BRI3: variants seen among roughly 807,000 people sequenced by gnomAD.
The protein encoded by BRI3 is brain protein I3.
In BRI3, 6 loss-of-function variants were observed where a neutral mutation model predicts 12.8. That is an observed-to-expected ratio of 0.47 (90% CI 0.26 to 0.93). The LOEUF is 0.93. Among genes scored for constraint, BRI3 ranks in the 40% least tolerant of loss-of-function variants. The pLI is 0.15. For missense variants in BRI3, 134 were observed against 171.1 expected (o/e 0.78, Z 1.21); for synonymous variants, 91 against 76.1 (o/e 1.20, Z -1.02).
chr7:98,292,884 C>A, downstream of BRI3: 1 of 1,436,580 alleles, frequency 7.0e-7, no homozygotes. Flanking sequence ...GAGGAGATTT[C>A]GTCGAGTGCT....
the BRI3 span, among the ~76,000 whole-genome samples, chr7:98,318,763 T>C: frequency 4.0e-5 from 6 of 150,958 alleles, no homozygotes; most frequent in African/African-American, 1.5e-4. Context: ...GCTAAAATGG[T>C]GAAACCCCGT....
the BRI3 span, among the ~76,000 whole-genome samples, chr7:98,321,164 G>A: frequency 2.0e-4 from 31 of 152,048 alleles, no homozygotes; most frequent in East Asian, 5.4e-3. Context: ...TGGCCCACGT[G>A]GCCCTTTCTA....
chr7:98,317,754 A>G, the BRI3 span, among the ~76,000 whole-genome samples: 1 of 118,494 alleles, frequency 8.4e-6, no homozygotes, highest in African/African-American at 3.4e-5. Flanking sequence ...GACGCTCACC[A>G]CACAGTTCAC....
chr7:98,300,496 T>C (rs542740447), intron 1 of BRI3, among the ~76,000 whole-genome samples: 2 of 152,320 alleles, frequency 1.3e-5, no homozygotes, highest in East Asian at 3.9e-4. Context: ...GACCGCGCCA[T>C]GTCTTATCAG....
downstream of BRI3, chr7:98,292,725 T>G (rs1178440141): frequency 2.5e-5 from 39 of 1,551,486 alleles, no homozygotes; most frequent in Non-Finnish European, 3.4e-5. Flanking sequence ...CCGAGCAGTT[T>G]GAGTGTACTG....
At chr7:98,305,488 C>T (rs920971802), upstream of BRI3, among the ~76,000 whole-genome samples, 1 of 152,096 alleles carries the variant, frequency 6.6e-6, no homozygotes, top group African/African-American at 2.4e-5. Flanking sequence ...TTCTACCTGG[C>T]TAGCTGGATG....
At chr7:98,322,845 C>A in the BRI3 span, 1 of 152,424 alleles carries the variant, frequency 6.6e-6, no homozygotes, top group Non-Finnish European at 1.5e-5. Flanking sequence ...CATGTCGCTC[C>A]CCTGCTCCCG....
chr7:98,292,291 G>A (rs1187268785), downstream of BRI3: 5 of 315,986 alleles, frequency 1.6e-5, no homozygotes, highest in Non-Finnish European at 2.4e-5. Context: ...AGCATGATCT[G>A]GCTCACTGCA....
At chr7:98,306,843 A>T in intron 1 of BRI3, 1 of 331,120 alleles carries the variant, frequency 3.0e-6, no homozygotes, top group Admixed American at 4.4e-5. Context: ...AGTAGCTGTG[A>T]CTAGAAGTGT....
upstream of BRI3, among the ~76,000 whole-genome samples, chr7:98,302,462 C>T (rs1800467930): frequency 6.6e-6 from 1 of 152,186 alleles, no homozygotes; most frequent in Non-Finnish European, 1.5e-5. Flanking sequence ...AGATGGACGT[C>T]CACACGTGCC....
At chr7:98,298,206 G>A (rs1178855233) in intron 1 of BRI3, among the ~76,000 whole-genome samples, 2 of 152,222 alleles carry the variant, frequency 1.3e-5, no homozygotes, top group African/African-American at 4.8e-5. Context: ...ACAGCTGTGG[G>A]GCTTCCCAGG....
downstream of BRI3, chr7:98,293,441 T>C: frequency 7.4e-7 from 1 of 1,350,276 alleles, no homozygotes; most frequent in South Asian, 1.2e-5. Context: ...TTCCCGACCG[T>C]CAGCACGTGG....
the BRI3 span, chr7:98,320,084 T>G: frequency 6.2e-7 from 1 of 1,613,764 alleles, no homozygotes; most frequent in Non-Finnish European, 8.5e-7. Flanking sequence ...TCAAGTTCTA[T>G]CTTCTTCTCC....
At chr7:98,308,479 C>T in exon 2 of BRI3, 1 of 365,064 alleles carries the variant, frequency 2.7e-6, no homozygotes, top group South Asian at 2.0e-5. Context: ...CCGCCAGGCT[C>T]CCAGGAGGAA....
Position 98,291,428 on chromosome 7 carries a change from T to C in BRI3, c.*185T>C. The C allele has an allele frequency of 7.0e-7, 1 of 1,425,222 alleles. No individual in the cohort carries two copies. Among genetic ancestry groups the C allele is most frequent in the Admixed American group, 3.0e-5 (1 of 33,452 alleles). 88.3% of individuals were successfully genotyped at this position (1,425,222 alleles called of 1,614,324 possible). ...CAGTGCTGCTGCTCCCGCCCGAGGC[T>C]CATGACAACTCAATAAAGCACTGCT... On this transcript the variant is annotated 3_prime_UTR_variant, in exon 3 of 3. Coordinates refer to ENST00000297290, the MANE Select transcript of BRI3 (RefSeq NM_015379.5).
intron 1 of BRI3, among the ~76,000 whole-genome samples, chr7:98,299,448 G>A (rs554291184): frequency 7.9e-5 from 12 of 152,228 alleles, no homozygotes; most frequent in African/African-American, 1.9e-4. Context: ...GTGAGCCACC[G>A]TGCCCGGCAG....
At chr7:98,311,622 T>C (rs920448758), downstream of BRI3, among the ~76,000 whole-genome samples, 1 of 149,420 alleles carries the variant, frequency 6.7e-6, no homozygotes, top group Admixed American at 6.7e-5. Flanking sequence ...GTATAAAACA[T>C]GTGCCCAACT....
chr7:98,305,215 A>T (rs1001499154), upstream of BRI3, among the ~76,000 whole-genome samples: 11 of 151,762 alleles, frequency 7.2e-5, 1 homozygote, highest in Admixed American at 3.9e-4. Flanking sequence ...AAGACATGAC[A>T]AAAGGAGAGG....
chr7:98,310,513 G>C, downstream of BRI3: 1 of 1,606,044 alleles, frequency 6.2e-7, no homozygotes, highest in Non-Finnish European at 8.5e-7. Flanking sequence ...ATCGATCAAG[G>C]GACTGGTATA....
Sources: gnomAD v4.1 joint callset for allele counts (sites outside exome capture counted in the v4.1 genomes callset) on GRCh38, gnomAD v4.1.1 for gene constraint, MANE v1.5 for transcripts, NCBI Gene and HGNC (gene_info 2026-07-23, HGNC 2026-07-21) for gene names.